The following FBXW11 variants were observed in gnomAD, a reference collection of about 807,000 sequenced individuals.
FBXW11 encodes the protein F-box/WD repeat-containing protein 11.
FBXW11 carries 19 observed loss-of-function variants against 77.6 expected under a neutral mutation model. The observed-to-expected ratio is 0.24, with a 90% CI of 0.17 to 0.36. The LOEUF is 0.36. Ranked by LOEUF, FBXW11 falls within the 10% of genes least tolerant of loss-of-function variation. FBXW11 has a pLI of 1.00. For missense variants in FBXW11, 334 were observed against 704.2 expected (o/e 0.47, Z 5.95); for synonymous variants, 235 against 249.4 (o/e 0.94, Z 0.54).
At chr5:171,976,355 G>A (rs929450270) in intron 1 of FBXW11, among the ~76,000 whole-genome samples, 4 of 152,166 alleles carry the variant, frequency 2.6e-5, no homozygotes, top group African/African-American at 9.7e-5. Context: ...CACTTTGGAA[G>A]TAGAAATAGC....
chr5:171,995,908 G>A (rs1029756402), intron 1 of FBXW11, among the ~76,000 whole-genome samples: 2 of 152,302 alleles, frequency 1.3e-5, no homozygotes, highest in East Asian at 1.9e-4. Flanking sequence ...TTCAGCAAGT[G>A]TAGTAAGACA....
At chr5:171,898,303 C>T (rs1759884819) in intron 6 of FBXW11, among the ~76,000 whole-genome samples, 1 of 152,058 alleles carries the variant, frequency 6.6e-6, no homozygotes, top group South Asian at 2.1e-4. Context: ...AAGTTTTCTG[C>T]CAAGGAGGAA....
intron 7 of FBXW11, among the ~76,000 whole-genome samples, chr5:171,889,706 G>T (rs1390480326): frequency 6.6e-6 from 1 of 151,092 alleles, no homozygotes; most frequent in East Asian, 2.0e-4. Flanking sequence ...GACCAACATG[G>T]AGAAACCCTG....
intron 2 of FBXW11, among the ~76,000 whole-genome samples, chr5:171,930,280 G>A (rs948318978): frequency 7.2e-5 from 11 of 152,136 alleles, no homozygotes; most frequent in Non-Finnish European, 1.0e-4. Context: ...TTTCCTCAAC[G>A]TGATAAAGAA....
intron 2 of FBXW11, among the ~76,000 whole-genome samples, chr5:171,952,447 A>ATATATATATATATATATATATTTTTTTTT (rs1200841290): frequency 1.4e-4 from 1 of 6,948 alleles, no homozygotes; most frequent in Non-Finnish European, 3.2e-4. Flanking sequence ...ATATATATAT[A>ATATATATATATATATATATATTTTTTTTT]TTTTTTTTTT....
At position 172,003,713 on chromosome 5, in the gene FBXW11, G is replaced by A. The variant is rs1766556298; in HGVS notation, c.45+2745C>T. ...TCAGGCAGCGGTAGGAGTCAAAGTGGGGGTTATATTTTAGAAATTTAACTA... is the reference window on the plus strand; with the variant it reads ...TCAGGCAGCGGTAGGAGTCAAAGTGAGGGTTATATTTTAGAAATTTAACTA... On this transcript the variant is annotated intron_variant, in intron 1 of 13. Coordinates refer to ENST00000517395, the MANE Select transcript of FBXW11 (RefSeq NM_001378974.1). 2.0e-5 allele frequency among the ~76,000 whole-genome samples: 3 copies of A among 152,096 alleles called. No individual in the cohort carries two copies. In the South Asian group the frequency reaches 6.2e-4, roughly 32 times the overall value.
At chr5:171,974,366 G>A (rs147636716) in intron 1 of FBXW11, among the ~76,000 whole-genome samples, 6 of 149,156 alleles carry the variant, frequency 4.0e-5, no homozygotes, top group South Asian at 2.1e-4. Context: ...CCCAGGAGGC[G>A]GAGGTTATGG....
chr5:171,998,354 A>G (rs1156432665), intron 1 of FBXW11, among the ~76,000 whole-genome samples: 1 of 95,132 alleles, frequency 1.1e-5, no homozygotes, highest in African/African-American at 1.2e-4. Context: ...TTTTTTTTTT[A>G]AGTAGAGACA....
intron 10 of FBXW11, 75 bp downstream of exon 10, chr5:171,872,797 G>A: frequency 1.9e-6 from 2 of 1,039,074 alleles, no homozygotes; most frequent in African/African-American, 3.1e-5. Flanking sequence ...GTTGTTTTGA[G>A]CATTAGAACT....
chr5:171,930,268 A>G (rs1228470366), intron 2 of FBXW11, among the ~76,000 whole-genome samples: 1 of 152,192 alleles, frequency 6.6e-6, no homozygotes, highest in Non-Finnish European at 1.5e-5. Context: ...AATAGAGGAG[A>G]ATTTCCTCAA....
intron 1 of FBXW11, among the ~76,000 whole-genome samples, chr5:171,983,058 G>A (rs1159037611): frequency 1.3e-5 from 2 of 152,006 alleles, no homozygotes; most frequent in East Asian, 1.9e-4. Flanking sequence ...AAAATTAACC[G>A]AGTGCACACC....
chr5:171,938,238 A>G (rs2113147440), intron 2 of FBXW11, among the ~76,000 whole-genome samples: 1 of 152,184 alleles, frequency 6.6e-6, no homozygotes, highest in South Asian at 2.1e-4. Flanking sequence ...ATTTATTTTT[A>G]TATTTTGTAG....
intron 2 of FBXW11, among the ~76,000 whole-genome samples, chr5:171,932,954 C>CAA (rs59324690): frequency 0.012 from 617 of 50,258 alleles, 4 homozygotes; most frequent in African/African-American, 0.016. Context: ...CTGCCTCTAC[C>CAA]AAAAAAAAAA....
chr5:171,874,448 C>G (rs1473192313), intron 9 of FBXW11, among the ~76,000 whole-genome samples: 2 of 152,196 alleles, frequency 1.3e-5, no homozygotes, highest in East Asian at 3.9e-4. Flanking sequence ...CTCTCAACTT[C>G]CAGGCACTGG....
chr5:171,977,357 A>G (rs1429732465), intron 1 of FBXW11, among the ~76,000 whole-genome samples: 2 of 151,986 alleles, frequency 1.3e-5, no homozygotes, highest in African/African-American at 2.4e-5. Flanking sequence ...AAAGAGGAAG[A>G]GAAAGAAATC....
chr5:171,930,323 G>GT (rs1762103488), intron 2 of FBXW11, among the ~76,000 whole-genome samples: 1 of 152,174 alleles, frequency 6.6e-6, no homozygotes, highest in African/African-American at 2.4e-5. Context: ...AACATCATAC[G>GT]TATTAGTGAA....
intron 1 of FBXW11, among the ~76,000 whole-genome samples, chr5:172,004,867 G>GCACACACA (rs112994412): frequency 0.034 from 5,050 of 149,380 alleles, 87 homozygotes; most frequent in African/African-American, 0.045. Context: ...AACCCCACGT[G>GCACACACA]CACACACACA....
intron 2 of FBXW11, among the ~76,000 whole-genome samples, chr5:171,920,907 C>T (rs1761556698): frequency 6.6e-6 from 1 of 152,118 alleles, no homozygotes; most frequent in South Asian, 2.1e-4. Context: ...ATTTCTGAAA[C>T]TGAATTCTAT....
At chr5:171,898,976 C>A in intron 6 of FBXW11, 28 bp downstream of exon 6, 1 of 1,390,602 alleles carries the variant, frequency 7.2e-7, no homozygotes, top group South Asian at 1.3e-5. Flanking sequence ...AACAAAGAGC[C>A]CATAAAACAG....
Sources: allele counts gnomAD v4.1 joint callset (sites outside exome capture counted in the v4.1 genomes callset), GRCh38; gene constraint gnomAD v4.1.1; transcripts MANE v1.5; gene names NCBI Gene and HGNC (gene_info 2026-07-23, HGNC 2026-07-21).